ESPN: variants seen among roughly 807,000 people sequenced by gnomAD.
ESPN encodes the protein espin, also known as autosomal recessive deafness type 36 protein.
Under a neutral mutation model 77.7 loss-of-function variants are expected in ESPN, and 68 were observed. That is an observed-to-expected ratio of 0.87 (90% confidence interval 0.72 to 1.07). The LOEUF (loss-of-function observed/expected upper bound fraction) is 1.07, where lower values mean the gene tolerates loss of function less well. Ranked by LOEUF, ESPN falls within the 50% of genes least tolerant of loss-of-function variation. The pLI is 0.00. For synonymous variants in ESPN, 449 were observed against 567.1 expected (o/e 0.79, Z 2.96); for missense variants, 1,060 against 1,239.0 (o/e 0.86, Z 2.17).
At chr1:6,445,527 C>T (rs1643795974) in intron 6 of ESPN, 137 bp from the exon 7 acceptor site, 2 of 949,772 alleles carry the variant, frequency 2.1e-6, no homozygotes, top group Non-Finnish European at 3.3e-6. Flanking sequence ...CGCCAGGGGC[C>T]ACAGCAGGTG....
chr1:6,460,610 C>G lies in ESPN; in HGVS notation c.*464C>G, dbSNP rs923907278. ...AAGGGGTTTTCCCTTCCTCTCTGAC[C>G]CAGATCTGCGCGCGGCCTAGCCCGG... is the stretch of plus-strand genomic sequence containing the variant. On this transcript the variant is annotated 3_prime_UTR_variant, in exon 13 of 13. Transcript: ENST00000645284. 3 of 169,720 alleles carry G rather than the reference C, an allele frequency of 1.8e-5. No individual in the cohort carries two copies. Among genetic ancestry groups the G allele is most frequent in the South Asian group, 1.5e-4 (1 of 6,698 alleles). The allele number at this position is 169,720 out of a possible 1,614,324, so 10.5% of individuals were successfully genotyped here.
chr1:6,432,155 C>G (rs531351643), intron 2 of ESPN, among the ~76,000 whole-genome samples: 3 of 152,310 alleles, frequency 2.0e-5, no homozygotes, highest in South Asian at 4.1e-4. Context: ...AGGCAGCCCC[C>G]ACCTGGGACA....
chr1:6,440,606 T>TCC lies in ESPN; in HGVS notation c.676-17_676-16dup. On this transcript the variant is annotated intron_variant, in intron 3 of 12. Coordinates refer to ENST00000645284, the MANE Select transcript of ESPN (RefSeq NM_031475.3). ...CTGGCGCCCAGCCCCCGCCCCCCTC[T>TCC]CCCCGCCCGTCCCGCCCAGGTGAGC... is the stretch of plus-strand genomic sequence containing the variant. 7 of 870,460 alleles carry TCC rather than the reference T, an allele frequency of 8.0e-6. No individual in the cohort carries two copies. The highest frequency in any genetic ancestry group is 1.5e-5 in the South Asian group (1 of 68,272). 53.9% of individuals were successfully genotyped at this position (870,460 alleles called of 1,614,324 possible). A position where few individuals can be genotyped will look rare whatever the true frequency, so the allele number is the denominator to read the frequency against.
intron 7 of ESPN, among the ~76,000 whole-genome samples, chr1:6,446,142 C>T (rs1227950440): frequency 6.6e-6 from 1 of 152,108 alleles, no homozygotes; most frequent in Non-Finnish European, 1.5e-5. Flanking sequence ...AGGTCATTGC[C>T]CTCCATGGGA....
chr1:6,453,503 C>T (rs1240158537), intron 10 of ESPN, among the ~76,000 whole-genome samples: 4 of 152,064 alleles, frequency 2.6e-5, no homozygotes, highest in Non-Finnish European at 5.9e-5. Flanking sequence ...GAGGGGTGGC[C>T]AGGAGGAGAG....
In ESPN at chr1:6,448,855, C is replaced by G. The variant is rs1156670469; in HGVS notation, c.1679C>G (p.Ala560Gly). 5.6e-6 allele frequency: 7 copies of G among 1,260,040 alleles called. No individual in the cohort carries two copies. The East Asian group carries it at 2.3e-4, about 42-fold the overall frequency. The allele number at this position is 1,260,040 out of a possible 1,614,324, so 78.1% of individuals were successfully genotyped here. The change falls in exon 8 of 13, where the codon GCC (alanine) becomes GGC (glycine). Residue 560 changes from alanine (A) to glycine (G), a missense_variant. Ala to Gly is a moderately conservative substitution (Grantham distance 60). Transcript: ENST00000645284. ...RAGCPRLGPAARGSLEGPSAP... is the reference protein window; with the variant it reads ...RAGCPRLGPAGRGSLEGPSAP... Reference sequence around the variant, plus strand: ...GGCTGCCCGCGCCTCGGCCCTGCCGCCCGCGGCTCACTCGAAGGCCCCTCC... The same window carrying G: ...GGCTGCCCGCGCCTCGGCCCTGCCGGCCGCGGCTCACTCGAAGGCCCCTCC...
chr1:6,451,995 A>G lies in ESPN; in HGVS notation c.2224A>G (p.Thr742Ala). The part of the protein sequence containing the change: ...VQLDVEALIP[T>A]HDEQGRPIPE... ...GCTGGACGTGGAGGCTCTCATCCCC[A>G]CGCACGATGAGCAGGGCCGGCCCAT... Residue 742 changes from threonine to alanine, a missense_variant, in exon 10 of 13, where the codon ACG becomes GCG. Transcript: ENST00000645284. This position sits in a 1 kb window ranked among gnomAD's most constrained non-coding sequence, Gnocchi z 4.3. 1.2e-6 allele frequency: 2 copies of G among 1,606,814 alleles called. No homozygotes were observed. Among genetic ancestry groups the G allele is most frequent in the Non-Finnish European group, 1.7e-6 (2 of 1,176,736 alleles).
chr1:6,453,024 C>G (rs1370519638), intron 10 of ESPN, among the ~76,000 whole-genome samples: 2 of 152,192 alleles, frequency 1.3e-5, no homozygotes, highest in African/African-American at 4.8e-5. Context: ...TCCCGAGTAG[C>G]TGGGACTACA....
At chr1:6,446,175 TC>T (rs371401648) in intron 7 of ESPN, among the ~76,000 whole-genome samples, 10 of 152,164 alleles carry the variant, frequency 6.6e-5, no homozygotes, top group African/African-American at 2.4e-4. Flanking sequence ...AGGACGCAGG[TC>T]CAGACAGCTG....
chr1:6,449,258 G>A lies in ESPN; in HGVS notation c.1915+167G>A, dbSNP rs550711105. ...GTACTTGACCCTAAGAGAGGGCTCT[G>A]GGTTGCTTGAGGTCCTGCCAAAGCA... On this transcript the variant is annotated intron_variant, in intron 8 of 12. Coordinates refer to ENST00000645284, the MANE Select transcript of ESPN (RefSeq NM_031475.3). Among the ~76,000 whole-genome samples, 3 of 152,346 alleles carry A rather than the reference G, an allele frequency of 2.0e-5. No homozygotes were observed. In the East Asian group the frequency reaches 5.8e-4, roughly 29 times the overall value.
intron 2 of ESPN, among the ~76,000 whole-genome samples, chr1:6,436,835 A>T (rs892779312): frequency 1.3e-5 from 2 of 152,104 alleles, no homozygotes; most frequent in Non-Finnish European, 2.9e-5. Context: ...ATATCTTTGT[A>T]ATACTCCCCA....
intron 12 of ESPN, among the ~76,000 whole-genome samples, chr1:6,458,041 G>C (rs1264759940): frequency 6.7e-6 from 1 of 149,492 alleles, no homozygotes; most frequent in Non-Finnish European, 1.5e-5. Context: ...TTTTTTTTGA[G>C]ATGGGGTTTC....
At chr1:6,457,129 G>A (rs1247764640) in intron 10 of ESPN, 55 bp from the exon 11 acceptor site, 61 of 1,526,340 alleles carry the variant, frequency 4.0e-5, no homozygotes, top group Non-Finnish European at 4.8e-5. Flanking sequence ...GAGGTTGAGG[G>A]TGCCCCCTAT....
In ESPN at chr1:6,442,646, G is replaced by T. The variant is rs549660542; in HGVS notation, c.990+1581G>T. Among the ~76,000 whole-genome samples, 11 of 150,800 alleles carry T rather than the reference G, an allele frequency of 7.3e-5. No individual in the cohort carries two copies. The South Asian group carries it at 2.3e-3, about 32-fold the overall frequency. ...GCACTTTGGGAGGCTGAGGCGGGCA[G>T]ATCACAAGGTCAAGAGATCGAGACC... On this transcript the variant is annotated intron_variant, in intron 5 of 12. Coordinates refer to ENST00000645284, the MANE Select transcript of ESPN (RefSeq NM_031475.3).
At position 6,450,860 on chromosome 1, in the gene ESPN, C is replaced by T. The variant is rs1643932101; in HGVS notation, c.1916-743C>T. Reference sequence around the variant, plus strand: ...ACCCCTTCATCGGGGCTCAAGAGACCTCTCTCTCCAAATCTCCATTTGCCT... The same window carrying T: ...ACCCCTTCATCGGGGCTCAAGAGACTTCTCTCTCCAAATCTCCATTTGCCT... On this transcript the variant is annotated intron_variant, in intron 8 of 12. Transcript: ENST00000645284. The surrounding 1 kb of genome is among the most constrained non-coding windows in gnomAD (Gnocchi z 4.3). Among the ~76,000 whole-genome samples, 1 of 152,098 alleles carries T rather than the reference C, an allele frequency of 6.6e-6. No homozygotes were observed. Among genetic ancestry groups the T allele is most frequent in the South Asian group, 2.1e-4 (1 of 4,818 alleles).
chr1:6,427,532 G>A lies in ESPN; in HGVS notation c.295-694G>A, dbSNP rs926456994. Among the ~76,000 whole-genome samples the A allele has an allele frequency of 1.3e-5, 2 of 152,158 alleles. No homozygotes were observed. The highest frequency in any genetic ancestry group is 2.9e-5 in the Non-Finnish European group (2 of 68,016). On this transcript the variant is annotated intron_variant, in intron 1 of 12. Transcript: ENST00000645284. The surrounding 1 kb of genome is among the most constrained non-coding windows in gnomAD (Gnocchi z 4.6). ...AGAGGCCACCACTAGCCTGCACCTAGCACCCCTGGCTGACTGCCCCGGACC... is the reference window on the plus strand; with the variant it reads ...AGAGGCCACCACTAGCCTGCACCTAACACCCCTGGCTGACTGCCCCGGACC...
At chr1:6,441,400 G>A (rs1643632594) in intron 5 of ESPN, among the ~76,000 whole-genome samples, 1 of 152,304 alleles carries the variant, frequency 6.6e-6, no homozygotes, top group African/African-American at 2.4e-5. Flanking sequence ...CTGCAGAAAA[G>A]AGTGTTTAAG....
At chr1:6,455,562 C>T in intron 10 of ESPN, 1 of 398,768 alleles carries the variant, frequency 2.5e-6, no homozygotes, top group South Asian at 1.3e-4. Context: ...GGGCCTGGCG[C>T]ACGGCCTGTA....
intron 5 of ESPN, chr1:6,443,171 T>TAAAAAACAAAAA (rs1643706794): frequency 7.6e-6 from 1 of 131,990 alleles, no homozygotes; most frequent in Non-Finnish European, 1.7e-5. Context: ...AAACTCTGTC[T>TAAAAAACAAAAA]AAAAAAAAAA....
Sources: allele counts gnomAD v4.1 joint callset (sites outside exome capture counted in the v4.1 genomes callset), GRCh38; gene constraint gnomAD v4.1.1; non-coding constraint Gnocchi (gnomAD v3.1); transcripts MANE v1.5; gene names NCBI Gene and HGNC (gene_info 2026-07-23, HGNC 2026-07-21).